PBX3: variants seen among roughly 807,000 people sequenced by gnomAD.
PBX3 encodes pre-B-cell leukemia transcription factor 3.
In PBX3, 14 loss-of-function variants were observed where a neutral mutation model predicts 48.5. The ratio of observed to expected loss-of-function variants is 0.29; its 90% CI spans 0.19 to 0.45. PBX3 has a LOEUF of 0.45. Ranked by LOEUF, PBX3 falls within the 20% of genes least tolerant of loss-of-function variation. PBX3 has a pLI of 1.00. For missense variants in PBX3, 386 were observed against 546.7 expected (o/e 0.71, Z 2.93); for synonymous variants, 210 against 200.3 (o/e 1.05, Z -0.41).
At chr9:125,785,943 C>G (rs927757165) in intron 2 of PBX3, among the ~76,000 whole-genome samples, 4 of 138,338 alleles carry the variant, frequency 2.9e-5, no homozygotes, top group African/African-American at 7.9e-5. Flanking sequence ...TTTAAAGTCG[C>G]TTTTTTTTTT....
In PBX3 at chr9:125,926,313, A is replaced by G. The variant is rs529896287; in HGVS notation, c.517-3342A>G. On this transcript the variant is annotated intron_variant, in intron 3 of 8. Coordinates refer to ENST00000373489, the MANE Select transcript of PBX3 (RefSeq NM_006195.6). The stretch of plus-strand genomic sequence containing the variant: ...GGTGGGCGGATCACTTGAGGTCAGG[A>G]GTTCGAGACCAGCCTGGCCAACATG... Among the ~76,000 whole-genome samples, 21 of 152,258 alleles carry G rather than the reference A, an allele frequency of 1.4e-4. No individual in the cohort carries two copies. In the East Asian group the frequency reaches 3.5e-3, roughly 25 times the overall value.
intron 7 of PBX3, among the ~76,000 whole-genome samples, 193 bp downstream of exon 7, chr9:125,962,407 C>T (rs1409993085): frequency 6.6e-6 from 1 of 152,154 alleles, no homozygotes; most frequent in Non-Finnish European, 1.5e-5. Context: ...TGATTCAAAC[C>T]TGATAAACTT....
chr9:125,960,644 CCT>C, intron 5 of PBX3, 38 bp from the exon 6 acceptor site: 1 of 1,597,780 alleles, frequency 6.3e-7, no homozygotes, highest in Non-Finnish European at 8.6e-7. Flanking sequence ...ATTACTTCTT[CCT>C]CTCTTCCCCT....
At chr9:125,954,921 G>A (rs1842270266) in intron 5 of PBX3, among the ~76,000 whole-genome samples, 1 of 152,134 alleles carries the variant, frequency 6.6e-6, no homozygotes. Context: ...TAGTGTTACA[G>A]TTTTATTTTA....
chr9:125,768,031 A>T (rs961283973), intron 2 of PBX3, among the ~76,000 whole-genome samples: 1 of 151,950 alleles, frequency 6.6e-6, no homozygotes, highest in Admixed American at 6.6e-5. Context: ...TGGGTTGTTG[A>T]AGGAACTTAT....
chr9:125,897,088 T>G (rs1840787100), intron 2 of PBX3, among the ~76,000 whole-genome samples: 1 of 150,942 alleles, frequency 6.6e-6, no homozygotes, highest in Non-Finnish European at 1.5e-5. Flanking sequence ...TAAAATCACT[T>G]AAATACAGTG....
chr9:125,788,545 C>A (rs1837515659), intron 2 of PBX3, among the ~76,000 whole-genome samples: 1 of 152,134 alleles, frequency 6.6e-6, no homozygotes, highest in East Asian at 1.9e-4. Flanking sequence ...ATGTTCCTGG[C>A]ATTTAAGAAA....
In PBX3 at chr9:125,759,637, G is replaced by A. The variant is rs1208577172; in HGVS notation, c.274+11014G>A. Reference sequence around the variant, plus strand: ...GAAAAGGGGGAACATAATTTTGTGGGCAATGAATTAAGTGTTTTTGTGGCC... The same window carrying A: ...GAAAAGGGGGAACATAATTTTGTGGACAATGAATTAAGTGTTTTTGTGGCC... On this transcript the variant is annotated intron_variant, in intron 2 of 8. Coordinates refer to ENST00000373489, the MANE Select transcript of PBX3 (RefSeq NM_006195.6). The surrounding 1 kb of genome is among the most constrained non-coding windows in gnomAD (Gnocchi z 4.2). Among the ~76,000 whole-genome samples, 1 of 152,160 alleles carries A rather than the reference G, an allele frequency of 6.6e-6. No homozygotes were observed. The highest frequency in any genetic ancestry group is 1.9e-4 in the East Asian group (1 of 5,208).
At chr9:125,879,463 T>C (rs1034555276) in intron 2 of PBX3, among the ~76,000 whole-genome samples, 3 of 152,230 alleles carry the variant, frequency 2.0e-5, no homozygotes, top group Non-Finnish European at 4.4e-5. Flanking sequence ...AGGTCTTTTT[T>C]CATTCCAAAA....
intron 2 of PBX3, among the ~76,000 whole-genome samples, chr9:125,915,250 C>T (rs1841299074): frequency 6.6e-6 from 1 of 152,030 alleles, no homozygotes; most frequent in Admixed American, 6.6e-5. Flanking sequence ...TCTGTTTCTC[C>T]AACTGTACAG....
chr9:125,954,035 G>A (rs1319180492), intron 5 of PBX3, among the ~76,000 whole-genome samples: 4 of 152,218 alleles, frequency 2.6e-5, no homozygotes, highest in African/African-American at 9.6e-5. Context: ...GAAGCATTGT[G>A]TTGGTTTTCT....
At chr9:125,757,496 GGACTGTT>G (rs1287571494) in intron 2 of PBX3, among the ~76,000 whole-genome samples, 3 of 151,924 alleles carry the variant, frequency 2.0e-5, no homozygotes. Flanking sequence ...ATGTTGATTG[GGACTGTT>G]GGTCCATTAA....
chr9:125,915,681 T>C lies in PBX3; in HGVS notation c.275-5T>C, dbSNP rs1465065040. 1 of 1,599,464 alleles carries C rather than the reference T, an allele frequency of 6.3e-7. No individual in the cohort carries two copies. The highest frequency in any genetic ancestry group is 1.3e-5 in the African/African-American group (1 of 74,310). On this transcript the variant is annotated splice_region_variant and splice_polypyrimidine_tract_variant and intron_variant, in intron 2 of 8. Coordinates refer to ENST00000373489, the MANE Select transcript of PBX3 (RefSeq NM_006195.6). Reference sequence around the variant, plus strand: ...CTCTCTGTCTCTCTCTCTCTTTCCTTGAAGGTCTCAGCATCAGAGGAGCCC... The same window carrying C: ...CTCTCTGTCTCTCTCTCTCTTTCCTCGAAGGTCTCAGCATCAGAGGAGCCC...
chr9:125,924,500 T>TG (rs1295700334), intron 3 of PBX3, among the ~76,000 whole-genome samples: 1 of 152,222 alleles, frequency 6.6e-6, no homozygotes, highest in African/African-American at 2.4e-5. Flanking sequence ...AAAGGTATGT[T>TG]GCAATGAGAA....
At chr9:125,827,132 G>A (rs1838830807) in intron 2 of PBX3, among the ~76,000 whole-genome samples, 1 of 151,992 alleles carries the variant, frequency 6.6e-6, no homozygotes, top group East Asian at 1.9e-4. Flanking sequence ...ACGTGAAATT[G>A]GGACATAACT....
At chr9:125,875,299 G>A (rs1564151207) in intron 2 of PBX3, among the ~76,000 whole-genome samples, 1 of 151,902 alleles carries the variant, frequency 6.6e-6, no homozygotes, top group African/African-American at 2.4e-5. Context: ...TTTCTCATTA[G>A]TACTATAATG....
At chr9:125,956,338 C>T (rs979143834) in intron 5 of PBX3, among the ~76,000 whole-genome samples, 1 of 152,140 alleles carries the variant, frequency 6.6e-6, no homozygotes, top group Admixed American at 6.5e-5. Context: ...CAACTCCCTC[C>T]AAGTCAGAGA....
At chr9:125,955,486 A>G (rs868527915) in intron 5 of PBX3, among the ~76,000 whole-genome samples, 6 of 152,226 alleles carry the variant, frequency 3.9e-5, no homozygotes, top group African/African-American at 1.4e-4. Context: ...TAAGAAGGGA[A>G]AAGGGAATTA....
chr9:125,858,811 A>G lies in PBX3; in HGVS notation c.275-56875A>G, dbSNP rs559715940. Among the ~76,000 whole-genome samples the G allele has an allele frequency of 2.6e-4, 39 of 152,092 alleles. No homozygotes were observed. The South Asian group carries it at 7.9e-3, about 31-fold the overall frequency. ...CGGCTAATTTTTGTATTTTTAGTAG[A>G]GACAGGGTTTCACCACGTTAGCCAG... On this transcript the variant is annotated intron_variant, in intron 2 of 8. Coordinates refer to ENST00000373489, the MANE Select transcript of PBX3 (RefSeq NM_006195.6).
Sources: allele counts gnomAD v4.1 joint callset (sites outside exome capture counted in the v4.1 genomes callset), GRCh38; gene constraint gnomAD v4.1.1; non-coding constraint Gnocchi (gnomAD v3.1); transcripts MANE v1.5; gene names NCBI Gene and HGNC (gene_info 2026-07-23, HGNC 2026-07-21).